Variants in MYL3 observed in about 807,000 individuals in gnomAD.
MYL3 encodes CMLC1.
Under a neutral mutation model 21.3 loss-of-function variants are expected in MYL3, and 11 were observed. The observed-to-expected ratio is 0.52, with a 90% CI of 0.32 to 0.85. MYL3 has a LOEUF of 0.85. Ranked by LOEUF, MYL3 falls within the 40% of genes least tolerant of loss-of-function variation. MYL3 has a pLI of 0.03. For missense variants in MYL3, 206 were observed against 253.3 expected (o/e 0.81, Z 1.27); for synonymous variants, 88 against 91.6 (o/e 0.96, Z 0.22).
Position 46,874,940 on chromosome 3 carries a change from C to T in MYL3, c.-218+7134G>A, listed in dbSNP as rs981580951. The stretch of plus-strand genomic sequence containing the variant: ...GGGGAGGCCTTTCTCCTACCCCACT[C>T]CCCGCCACCATGCCACCAGGGATCT... On this transcript the variant is annotated intron_variant, in intron 1 of 3. Coordinates refer to the MYL3 transcript ENST00000431168. The surrounding 1 kb of genome is among the most constrained non-coding windows in gnomAD (Gnocchi z 4.1). Among the ~76,000 whole-genome samples the T allele has an allele frequency of 3.3e-5, 5 of 152,212 alleles. No individual in the cohort carries two copies. The highest frequency in any genetic ancestry group is 1.2e-4 in the African/African-American group (5 of 41,454).
At chr3:46,877,237 C>T (rs2030273112) in intron 1 of MYL3, among the ~76,000 whole-genome samples, 1 of 152,196 alleles carries the variant, frequency 6.6e-6, no homozygotes, top group African/African-American at 2.4e-5. Context: ...ACTGGGTACC[C>T]AGTGCTGGCA....
chr3:46,876,678 C>T (rs908961108), intron 1 of MYL3, among the ~76,000 whole-genome samples: 2 of 152,148 alleles, frequency 1.3e-5, no homozygotes, highest in African/African-American at 4.8e-5. Flanking sequence ...GAGGGGGGCC[C>T]TAGGAATGTG....
At chr3:46,863,462 C>A, upstream of MYL3, 1 of 1,555,940 alleles carries the variant, frequency 6.4e-7, no homozygotes, top group East Asian at 2.3e-5. Context: ...CCGCCTCACC[C>A]AGGCCTTTAT....
chr3:46,860,745 G>A lies in MYL3; in HGVS notation c.238C>T (p.Leu80=), dbSNP rs1431553940. Residue 80 remains leucine, a synonymous_variant, in exon 3 of 7, where the codon CTG becomes TTG. Coordinates refer to ENST00000292327, the MANE Select transcript of MYL3 (RefSeq NM_000258.3). This position sits in a 1 kb window ranked among gnomAD's most constrained non-coding sequence, Gnocchi z 4.6. ...GTGGGGTTCTGGCCCAGCGCCCGCA[G>A]GACATCCCCACACTGCCCGTAGGTG... is the stretch of plus-strand genomic sequence containing the variant. The part of the protein sequence containing the change: ...KITYGQCGDV[L]RALGQNPTQA... 1 of 1,614,150 alleles carries A rather than the reference G, an allele frequency of 6.2e-7. No individual in the cohort carries two copies. Among genetic ancestry groups the A allele is most frequent in the Non-Finnish European group, 8.5e-7 (1 of 1,180,032 alleles).
intron 1 of MYL3, among the ~76,000 whole-genome samples, chr3:46,870,759 G>T (rs927013079): frequency 2.6e-5 from 4 of 152,080 alleles, no homozygotes; most frequent in African/African-American, 9.7e-5. Flanking sequence ...GATACCTATG[G>T]GCCCCTAGAC....
Position 46,857,973 on chromosome 3 carries a change from A to T in MYL3, c.*142T>A. The T allele has an allele frequency of 1.8e-6, 1 of 558,482 alleles. No individual in the cohort carries two copies. The highest frequency in any genetic ancestry group is 3.2e-6 in the Non-Finnish European group (1 of 309,654). The allele number at this position is 558,482 out of a possible 1,614,324, so 34.6% of individuals were successfully genotyped here. ...CTGAGAGGGGCCAGAGACGGCAACC[A>T]CGTGGAGAGGTCCAAGGGTTTTTGC... On this transcript the variant is annotated 3_prime_UTR_variant, in exon 7 of 7. Transcript: ENST00000292327. The surrounding 1 kb of genome is among the most constrained non-coding windows in gnomAD (Gnocchi z 5.0).
In MYL3 at chr3:46,863,366, T is replaced by C; in HGVS notation, c.25A>G (p.Lys9Glu). The C allele has an allele frequency of 6.2e-7, 1 of 1,613,676 alleles. No individual in the cohort carries two copies. Among genetic ancestry groups the C allele is most frequent in the Non-Finnish European group, 8.5e-7 (1 of 1,179,976 alleles). The change falls in exon 1 of 7, where the codon AAG becomes GAG. Residue 9 changes from lysine to glutamate, a missense_variant. Transcript: ENST00000292327. ...GGGGCTGCCTTGGCATCATCCTTCT[T>C]GGGCTCTGGCTTTTTGGGGGCCATT... The part of the protein sequence containing the change: MAPKKPEP[K>E]KDDAKAAPKA...
At chr3:46,877,729 CCTTGCTT>C (rs1297081785) in intron 1 of MYL3, 1 of 152,268 alleles carries the variant, frequency 6.6e-6, no homozygotes, top group Non-Finnish European at 1.5e-5. Flanking sequence ...GCAGCACTAT[CCTTGCTT>C]AGGCCTGAGC....
At chr3:46,878,448 C>T (rs1156783549) in intron 1 of MYL3, among the ~76,000 whole-genome samples, 1 of 152,190 alleles carries the variant, frequency 6.6e-6, no homozygotes, top group Non-Finnish European at 1.5e-5. Flanking sequence ...GATAAGAACT[C>T]AGCCTGAGGC....
Position 46,859,521 on chromosome 3 carries a change from A to G in MYL3, c.435T>C (p.Asn145=), listed in dbSNP as rs774762882. The change falls in exon 4 of 7, where the codon AAT becomes AAC. Residue 145 remains asparagine, a synonymous_variant. Coordinates refer to ENST00000292327, the MANE Select transcript of MYL3 (RefSeq NM_000258.3). The surrounding 1 kb of genome is among the most constrained non-coding windows in gnomAD (Gnocchi z 4.1). ...GAAGCTCAGCACCCATGACAGTGCC[A>G]TTGCCCTCCTTGTCGAAGACCCGCA... ...EGLRVFDKEG[N]GTVMGAELRH... 1.3e-5 allele frequency: 21 copies of G among 1,614,082 alleles called. No individual in the cohort carries two copies. The East Asian group carries it at 4.7e-4, about 36-fold the overall frequency.
In MYL3 at chr3:46,859,357, C is replaced by T; in HGVS notation, c.481+118G>A. On this transcript the variant is annotated intron_variant, in intron 4 of 6. Coordinates refer to ENST00000292327, the MANE Select transcript of MYL3 (RefSeq NM_000258.3). The surrounding 1 kb of genome is among the most constrained non-coding windows in gnomAD (Gnocchi z 4.1). The stretch of plus-strand genomic sequence containing the variant: ...ATTTCTGTTGTCTGCCATTGAGGCT[C>T]CCTAATTATGTAACTCTCTCCATTT... 7.5e-7 allele frequency: 1 copy of T among 1,327,398 alleles called. No homozygotes were observed. Among genetic ancestry groups the T allele is most frequent in the Non-Finnish European group, 1.1e-6 (1 of 936,310 alleles). 82.2% of individuals were successfully genotyped at this position (1,327,398 alleles called of 1,614,324 possible).
Position 46,860,734 on chromosome 3 carries a change from C to A in MYL3, c.249G>T (p.Leu83=), listed in dbSNP as rs2106909829. Residue 83 remains leucine (L), a synonymous_variant, in exon 3 of 7, where the codon CTG becomes CTT. Coordinates refer to ENST00000292327, the MANE Select transcript of MYL3 (RefSeq NM_000258.3). This position sits in a 1 kb window ranked among gnomAD's most constrained non-coding sequence, Gnocchi z 4.6. The part of the protein sequence containing the change: ...YGQCGDVLRA[L]GQNPTQAEVL... The stretch of plus-strand genomic sequence containing the variant: ...CTTCTGCCTGTGTGGGGTTCTGGCC[C>A]AGCGCCCGCAGGACATCCCCACACT... The A allele has an allele frequency of 6.2e-7, 1 of 1,614,110 alleles. No individual in the cohort carries two copies. Among genetic ancestry groups the A allele is most frequent in the Non-Finnish European group, 8.5e-7 (1 of 1,179,988 alleles).
rs879617930 is a variant in MYL3, at chr3:46,859,448, T to TG, written c.481+26dup. 5 of 1,613,690 alleles carry TG rather than the reference T, an allele frequency of 3.1e-6. No individual in the cohort carries two copies. The highest frequency in any genetic ancestry group is 4.2e-6 in the Non-Finnish European group (5 of 1,179,870). On this transcript the variant is annotated intron_variant, in intron 4 of 6. Transcript: ENST00000292327. This position sits in a 1 kb window ranked among gnomAD's most constrained non-coding sequence, Gnocchi z 4.1. Reference sequence around the variant, plus strand: ...CTCCCAGGATGTCCCTGGAAGGAGTTGGGGTAGGGGAGGAGGCTGCCCTCA... The same window carrying TG: ...CTCCCAGGATGTCCCTGGAAGGAGTTGGGGGTAGGGGAGGAGGCTGCCCTCA...
chr3:46,872,517 C>T (rs2029977680), intron 1 of MYL3, among the ~76,000 whole-genome samples: 1 of 150,128 alleles, frequency 6.7e-6, no homozygotes, highest in South Asian at 2.2e-4. Context: ...AGATACACCT[C>T]CCAGGGGCAG....
In MYL3 at chr3:46,879,920, T is replaced by C. The variant is rs2030449250; in HGVS notation, c.-218+2154A>G. ...CAGGCGTGGTGGTGCACAACTATAA[T>C]GCCAGCTACTCAGGAGGCTGAGGCC... On this transcript the variant is annotated intron_variant, in intron 1 of 3. Coordinates refer to the MYL3 transcript ENST00000431168. The surrounding 1 kb of genome is among the most constrained non-coding windows in gnomAD (Gnocchi z 4.7). 6.6e-6 allele frequency among the ~76,000 whole-genome samples: 1 copy of C among 152,024 alleles called. No homozygotes were observed. The highest frequency in any genetic ancestry group is 1.5e-5 in the Non-Finnish European group (1 of 68,006).
At chr3:46,877,112 G>A (rs1048269844) in intron 1 of MYL3, among the ~76,000 whole-genome samples, 3 of 152,144 alleles carry the variant, frequency 2.0e-5, no homozygotes, top group Admixed American at 6.5e-5. Flanking sequence ...TCCTCACCAG[G>A]AGCCCACATT....
chr3:46,858,305 G>A (rs569290408), intron 5 of MYL3, 33 bp from the exon 6 acceptor site: 44 of 1,614,132 alleles, frequency 2.7e-5, no homozygotes, highest in Admixed American at 2.0e-4. Context: ...TGGCAGGAGT[G>A]CAACATGGGG....
chr3:46,869,421 G>C (rs1191092886), intron 1 of MYL3, among the ~76,000 whole-genome samples: 1 of 152,108 alleles, frequency 6.6e-6, no homozygotes, highest in Non-Finnish European at 1.5e-5. Flanking sequence ...TGCTGGGCTG[G>C]GGCTCTGCCC....
chr3:46,865,609 A>G (rs1702041576), upstream of MYL3, among the ~76,000 whole-genome samples: 1 of 152,140 alleles, frequency 6.6e-6, no homozygotes, highest in Admixed American at 6.5e-5. The surrounding 1 kb of genome is among the most constrained non-coding windows in gnomAD (Gnocchi z 4.3). Context: ...TCCTCACACA[A>G]TTACCACCCC....
Sources: allele counts gnomAD v4.1 joint callset (sites outside exome capture counted in the v4.1 genomes callset), GRCh38; gene constraint gnomAD v4.1.1; non-coding constraint Gnocchi (gnomAD v3.1); transcripts MANE v1.5; gene names NCBI Gene and HGNC (gene_info 2026-07-23, HGNC 2026-07-21).